The following DLEU7 variants were observed in gnomAD, a reference collection of about 807,000 sequenced individuals.
DLEU7 encodes the protein leukemia-associated protein 7.
A neutral mutation model predicts 16.0 loss-of-function variants in DLEU7; 17 were observed. That is an observed-to-expected ratio of 1.06 (90% CI 0.73 to 1.59). The LOEUF (loss-of-function observed/expected upper bound fraction) is 1.59, where lower values mean the gene tolerates loss of function less well. Ranked by LOEUF, DLEU7 falls within the 40% of genes most tolerant of loss-of-function variation. DLEU7 has a pLI of 0.00. For missense variants in DLEU7, 308 were observed against 314.9 expected, an observed-to-expected ratio of 0.98 and a Z score of 0.17; for synonymous variants, 113 against 139.8, an observed-to-expected ratio of 0.81 and a Z score of 1.35.
intron 1 of DLEU7, among the ~76,000 whole-genome samples, chr13:50,737,857 A>T (rs546769615): frequency 6.6e-6 from 1 of 152,262 alleles, no homozygotes; most frequent in Non-Finnish European, 1.5e-5. Flanking sequence ...GCTAGCCATG[A>T]TTAAACTTAG....
At chr13:50,793,419 A>G (rs888124462) in intron 1 of DLEU7, among the ~76,000 whole-genome samples, 23 of 152,174 alleles carry the variant, frequency 1.5e-4, no homozygotes, top group Admixed American at 6.5e-4. Flanking sequence ...GTTCTTTGAG[A>G]AATCTCCAAA....
intron 1 of DLEU7, among the ~76,000 whole-genome samples, chr13:50,810,260 C>T (rs1000772508): frequency 6.6e-6 from 1 of 151,404 alleles, no homozygotes; most frequent in South Asian, 2.1e-4. Flanking sequence ...ACTCCTGAAG[C>T]TATTTTTCCC....
At chr13:50,804,325 A>C (rs1463666145) in intron 1 of DLEU7, among the ~76,000 whole-genome samples, 1 of 151,616 alleles carries the variant, frequency 6.6e-6, no homozygotes, top group East Asian at 1.9e-4. Flanking sequence ...TCTGATACTG[A>C]GTTTCCCTCA....
At chr13:50,783,800 T>A (rs539067358) in intron 1 of DLEU7, among the ~76,000 whole-genome samples, 1 of 142,052 alleles carries the variant, frequency 7.0e-6, no homozygotes, top group East Asian at 1.9e-4. Flanking sequence ...CAACAGACAC[T>A]TTTTTACACA....
intron 1 of DLEU7, among the ~76,000 whole-genome samples, chr13:50,830,316 G>A (rs1877221567): frequency 6.6e-6 from 1 of 152,216 alleles, no homozygotes; most frequent in African/African-American, 2.4e-5. Context: ...AAATGAATTA[G>A]TTAAATTTAT....
At chr13:50,753,103 C>T (rs888179231) in intron 1 of DLEU7, among the ~76,000 whole-genome samples, 1 of 101,380 alleles carries the variant, frequency 9.9e-6, no homozygotes, top group Non-Finnish European at 1.8e-5. Context: ...CATTCACAAA[C>T]CCTGAGCTAG....
At chr13:50,747,025 C>A (rs1350446956) in intron 1 of DLEU7, among the ~76,000 whole-genome samples, 1 of 152,142 alleles carries the variant, frequency 6.6e-6, no homozygotes, top group Non-Finnish European at 1.5e-5. Flanking sequence ...AAATTACCCA[C>A]AGACATAAAT....
chr13:50,789,945 CT>C (rs750516352), intron 1 of DLEU7, among the ~76,000 whole-genome samples: 121 of 70,244 alleles, frequency 1.7e-3, no homozygotes, highest in Middle Eastern at 9.1e-3. Context: ...TTCTTTCTTT[CT>C]TTTTTTTTTT....
chr13:50,737,260 T>C (rs1002006344), intron 1 of DLEU7, among the ~76,000 whole-genome samples: 9 of 152,128 alleles, frequency 5.9e-5, no homozygotes, highest in African/African-American at 2.2e-4. Flanking sequence ...ATAGTCAAAA[T>C]ATAAAAAGAT....
intron 1 of DLEU7, among the ~76,000 whole-genome samples, chr13:50,788,365 C>T (rs1875853537): frequency 6.6e-6 from 1 of 152,182 alleles, no homozygotes; most frequent in Non-Finnish European, 1.5e-5. Context: ...TGTGACATCT[C>T]CCAACACATT....
chr13:50,774,371 C>G (rs1875427892), intron 1 of DLEU7, among the ~76,000 whole-genome samples: 1 of 152,136 alleles, frequency 6.6e-6, no homozygotes, highest in Non-Finnish European at 1.5e-5. Context: ...GAGCTACAGA[C>G]CGGAGCTGTT....
intron 1 of DLEU7, among the ~76,000 whole-genome samples, chr13:50,729,249 C>T (rs1260195978): frequency 6.6e-6 from 1 of 152,136 alleles, no homozygotes; most frequent in Non-Finnish European, 1.5e-5. Flanking sequence ...TACTCAAGTG[C>T]TTAGCTCCCA....
At position 50,825,002 on chromosome 13, in the gene DLEU7, A is replaced by G. The variant is rs185962413; in HGVS notation, c.460-1482T>C. ...TTGGCATCAGGGACCAGTTTTGCAG[A>G]AGACAATTTTTTTCCATGGCTGGTG... is the stretch of plus-strand genomic sequence containing the variant. On this transcript the variant is annotated intron_variant, in intron 1 of 1. Transcript: ENST00000504404. 1.7e-3 allele frequency among the ~76,000 whole-genome samples: 261 copies of G among 152,316 alleles called. 2 individuals are homozygous for G. Among genetic ancestry groups the G allele is most frequent in the Non-Finnish European group, 2.7e-3 (183 of 68,020 alleles).
At chr13:50,772,100 T>C (rs1383366147) in intron 1 of DLEU7, among the ~76,000 whole-genome samples, 1 of 152,176 alleles carries the variant, frequency 6.6e-6, no homozygotes, top group Non-Finnish European at 1.5e-5. Flanking sequence ...TGCTTTTTTG[T>C]TGTTTTCCAT....
intron 1 of DLEU7, among the ~76,000 whole-genome samples, chr13:50,814,532 A>G (rs1876664566): frequency 6.6e-6 from 1 of 151,892 alleles, no homozygotes; most frequent in Admixed American, 6.6e-5. Flanking sequence ...ATCCAATTGT[A>G]AGTAATGATT....
chr13:50,810,315 CT>C (rs1192576258), intron 1 of DLEU7, among the ~76,000 whole-genome samples: 2 of 151,926 alleles, frequency 1.3e-5, no homozygotes, highest in Non-Finnish European at 2.9e-5. Flanking sequence ...GTTTTCCAGA[CT>C]TTAAATTTCA....
chr13:50,772,500 G>T (rs887722038), intron 1 of DLEU7, among the ~76,000 whole-genome samples: 24 of 152,254 alleles, frequency 1.6e-4, no homozygotes, highest in African/African-American at 5.3e-4. Flanking sequence ...GTCTGTAAAG[G>T]ATTTTATTTC....
At chr13:50,793,287 G>A (rs1378245984) in intron 1 of DLEU7, among the ~76,000 whole-genome samples, 1 of 152,040 alleles carries the variant, frequency 6.6e-6, no homozygotes, top group African/African-American at 2.4e-5. Context: ...CACTATTGAT[G>A]AGCAACTGGG....
At position 50,764,157 on chromosome 13, in the gene DLEU7, T is replaced by A. The variant is rs566928937; in HGVS notation, c.460-50917A>T. Among the ~76,000 whole-genome samples the A allele has an allele frequency of 8.5e-5, 13 of 152,312 alleles. No homozygotes were observed. The South Asian group carries it at 2.7e-3, about 32-fold the overall frequency. On this transcript the variant is annotated intron_variant, in intron 1 of 1. Coordinates refer to the DLEU7 transcript ENST00000400393. ...GATCTTGAACAAGTCCACTCACCCC[T>A]CTGAGTCTCCATTCCTTCATCTATA...
Sources: gnomAD v4.1 joint callset for allele counts (sites outside exome capture counted in the v4.1 genomes callset) on GRCh38, gnomAD v4.1.1 for gene constraint, MANE v1.5 for transcripts, NCBI Gene and HGNC (gene_info 2026-07-23, HGNC 2026-07-21) for gene names.